The following LYRM4 variants were observed in gnomAD, a reference collection of about 807,000 sequenced individuals.
LYRM4 encodes the protein LYR motif-containing protein 4.
Under a neutral mutation model 11.7 loss-of-function variants are expected in LYRM4, and 9 were observed. The observed-to-expected ratio is 0.77, with a 90% CI of 0.46 to 1.34. The LOEUF (loss-of-function observed/expected upper bound fraction) is 1.34, where lower values mean the gene tolerates loss of function less well. Among genes scored for constraint, LYRM4 ranks in the 40% most tolerant of loss-of-function variants. The pLI is 0.00. For synonymous variants in LYRM4, 42 were observed against 40.4 expected (o/e 1.04, Z -0.15); for missense variants, 133 against 112.5 (o/e 1.18, Z -0.82).
intron 1 of LYRM4, among the ~76,000 whole-genome samples, chr6:5,252,270 G>C (rs954142957): frequency 6.6e-6 from 1 of 152,170 alleles, no homozygotes. Flanking sequence ...TTGTGGAAGC[G>C]GCAGCCCACG....
intron 2 of LYRM4, among the ~76,000 whole-genome samples, chr6:5,215,440 C>T (rs150348410): frequency 2.6e-5 from 4 of 152,168 alleles, no homozygotes; most frequent in African/African-American, 9.7e-5. Flanking sequence ...CCTTACTATC[C>T]TCATGGCTTT....
chr6:5,130,789 A>G (rs1043713643), intron 2 of LYRM4, among the ~76,000 whole-genome samples: 8 of 152,220 alleles, frequency 5.3e-5, no homozygotes, highest in African/African-American at 1.2e-4. Context: ...ATATGCTTCT[A>G]ATTATAAACA....
chr6:5,032,845 C>A, the LYRM4 span: 2 of 152,316 alleles, frequency 1.3e-5, no homozygotes, highest in African/African-American at 4.8e-5. Flanking sequence ...AGAACAGTCA[C>A]CCCGGCCACT....
the LYRM4 span, among the ~76,000 whole-genome samples, chr6:5,065,156 T>G: frequency 1.9e-4 from 29 of 152,344 alleles, no homozygotes; most frequent in South Asian, 1.7e-3. Context: ...TTAAGTCATA[T>G]GCACTTCAGT....
intron 2 of LYRM4, among the ~76,000 whole-genome samples, chr6:5,192,436 C>G (rs1028750074): frequency 6.6e-6 from 1 of 152,118 alleles, no homozygotes; most frequent in African/African-American, 2.4e-5. Flanking sequence ...CTTACTCAGT[C>G]CCCCCAAAGA....
the LYRM4 span, among the ~76,000 whole-genome samples, chr6:5,047,552 G>A: frequency 1.3e-5 from 2 of 152,198 alleles, no homozygotes; most frequent in African/African-American, 4.8e-5. Flanking sequence ...ATATGGCAGT[G>A]ATGATGCATT....
At chr6:5,148,960 AT>A (rs1449506246) in intron 2 of LYRM4, among the ~76,000 whole-genome samples, 5 of 152,118 alleles carry the variant, frequency 3.3e-5, no homozygotes, top group Non-Finnish European at 7.3e-5. Context: ...ATAAAATTTC[AT>A]TTTTGACATG....
intron 2 of LYRM4, among the ~76,000 whole-genome samples, chr6:5,152,034 T>C (rs1200386690): frequency 1.3e-5 from 2 of 152,198 alleles, no homozygotes; most frequent in African/African-American, 2.4e-5. Context: ...CTCCCAGACA[T>C]GGGTGATTCA....
At chr6:5,065,049 C>G in the LYRM4 span, among the ~76,000 whole-genome samples, 106 of 152,292 alleles carry the variant, frequency 7.0e-4, no homozygotes, top group Non-Finnish European at 1.4e-3. Flanking sequence ...TACCCTAAAC[C>G]ATGGCAACCA....
chr6:5,086,338 G>A, the LYRM4 span: 8 of 1,535,854 alleles, frequency 5.2e-6, no homozygotes, highest in East Asian at 4.9e-5. Context: ...TGGGGCCTCC[G>A]AGCCAGGGTC....
At chr6:5,225,571 T>C (rs1762839280) in intron 1 of LYRM4, among the ~76,000 whole-genome samples, 1 of 152,248 alleles carries the variant, frequency 6.6e-6, no homozygotes, top group Non-Finnish European at 1.5e-5. Context: ...GGTTATATAC[T>C]ATTGTATAGA....
At chr6:5,260,444 A>G (rs1764976148) in intron 1 of LYRM4, among the ~76,000 whole-genome samples, 1 of 152,266 alleles carries the variant, frequency 6.6e-6, no homozygotes, top group African/African-American at 2.4e-5. Flanking sequence ...CTCCCCTGGT[A>G]GAAAGAAAGG....
the LYRM4 span, chr6:5,086,663 G>A: frequency 1.9e-6 from 2 of 1,033,828 alleles, no homozygotes; most frequent in Non-Finnish European, 2.7e-6. Flanking sequence ...TGAGCGTGGC[G>A]AGTCTGGCGT....
At chr6:5,143,866 T>G (rs1318459523) in intron 2 of LYRM4, among the ~76,000 whole-genome samples, 1 of 152,226 alleles carries the variant, frequency 6.6e-6, no homozygotes, top group East Asian at 1.9e-4. Context: ...TGCTGGAAGG[T>G]GGCTCTTCAC....
chr6:5,205,246 A>G (rs1202512831), intron 2 of LYRM4, among the ~76,000 whole-genome samples: 1 of 150,442 alleles, frequency 6.6e-6, no homozygotes, highest in Non-Finnish European at 1.5e-5. Flanking sequence ...AAGGTCACTG[A>G]AGGCCTTCCC....
the LYRM4 span, among the ~76,000 whole-genome samples, chr6:5,052,594 G>A: frequency 6.6e-6 from 1 of 152,122 alleles, no homozygotes; most frequent in Admixed American, 6.6e-5. Flanking sequence ...CATCATGTCT[G>A]GCCCAGTGTA....
downstream of LYRM4, chr6:5,103,417 A>T (rs1762562183): frequency 6.6e-6 from 1 of 152,168 alleles, no homozygotes; most frequent in African/African-American, 2.4e-5. Flanking sequence ...GAGCTTCTGA[A>T]TCACCCTGGG....
At chr6:5,203,073 C>G (rs1290794351) in intron 2 of LYRM4, among the ~76,000 whole-genome samples, 5 of 152,196 alleles carry the variant, frequency 3.3e-5, no homozygotes, top group Non-Finnish European at 2.9e-5. Context: ...TGAACATGCA[C>G]ACGTGAAATC....
the LYRM4 span, chr6:5,065,892 G>A: frequency 4.2e-6 from 1 of 235,494 alleles, no homozygotes; most frequent in Non-Finnish European, 8.8e-6. Flanking sequence ...GAGGGTACAT[G>A]TTAGTTATTT....
Sources: gnomAD v4.1 joint callset for allele counts (sites outside exome capture counted in the v4.1 genomes callset) on GRCh38, gnomAD v4.1.1 for gene constraint, MANE v1.5 for transcripts, NCBI Gene and HGNC (gene_info 2026-07-23, HGNC 2026-07-21) for gene names.